MTCH1: variants seen among roughly 807,000 people sequenced by gnomAD.
The protein encoded by MTCH1 is mitochondrial carrier 1.
In MTCH1, 23 loss-of-function variants were observed where a neutral mutation model predicts 49.3. The observed-to-expected ratio is 0.47, with a 90% CI of 0.34 to 0.66. MTCH1 has a LOEUF of 0.66. Ranked by LOEUF, MTCH1 falls within the 30% of genes least tolerant of loss-of-function variation. The pLI is 0.01. For synonymous variants in MTCH1, 229 were observed against 215.2 expected (o/e 1.06, Z -0.56); for missense variants, 397 against 532.1 (o/e 0.75, Z 2.50).
In MTCH1 at chr6:36,981,627, C is replaced by G; in HGVS notation, c.367G>C (p.Gly123Arg). Residue 123 changes from glycine (G) to arginine (R), a missense_variant, in exon 2 of 12, where the codon GGG (glycine) becomes CGG (arginine). Gly to Arg is a moderately radical substitution (Grantham distance 125). Around this residue, in one of 2 missense-constraint regions of MTCH1, gnomAD observed 252 missense variants for 388.3 expected, o/e 0.65. Coordinates refer to ENST00000373627, the MANE Select transcript of MTCH1 (RefSeq NM_001271641.2). ...MPPTLGTNVL[G>R]RKVLYLPSFF... ...CTCGGCAGATAGAGGACCTTCCTCC[C>G]CAGCACATTGGTCCCAAGGGTGGGG... 1.9e-6 allele frequency: 3 copies of G among 1,613,994 alleles called. No homozygotes were observed. Among genetic ancestry groups the G allele is most frequent in the Non-Finnish European group, 2.5e-6 (3 of 1,179,958 alleles).
intron 2 of MTCH1, 117 bp downstream of exon 2, chr6:36,981,471 C>A (rs1764084462): frequency 3.4e-6 from 3 of 892,448 alleles, no homozygotes; most frequent in Admixed American, 5.2e-5. Flanking sequence ...CTCCTCCATG[C>A]CAGCTCGACT....
chr6:36,975,806 G>C (rs936920354), intron 6 of MTCH1, 89 bp from the exon 7 acceptor site: 1 of 1,212,954 alleles, frequency 8.2e-7, no homozygotes, highest in Admixed American at 1.8e-5. Context: ...CACCAGTTCT[G>C]CTCAAATCCA....
rs760149273 is a variant in MTCH1 at position 36,968,371 on chromosome 6, A to T, written c.*532T>A. ...CCATTCAGAGGCAGGTGCTGCCCTC[A>T]TATCAGAAAAGTAGTGTTGAGAAAA... On this transcript the variant is annotated 3_prime_UTR_variant, in exon 12 of 12. Coordinates refer to ENST00000373627, the MANE Select transcript of MTCH1 (RefSeq NM_001271641.2). 1 of 260,810 alleles carries T rather than the reference A, an allele frequency of 3.8e-6. No individual in the cohort carries two copies. Among genetic ancestry groups the T allele is most frequent in the Non-Finnish European group, 7.6e-6 (1 of 131,068 alleles). The allele number at this position is 260,810 out of a possible 1,614,324, so 16.2% of individuals were successfully genotyped here.
Position 36,972,348 on chromosome 6 carries a change from T to C in MTCH1, c.906+304A>G, listed in dbSNP as rs1303389957. On this transcript the variant is annotated intron_variant, in intron 8 of 11. Transcript: ENST00000373627. This position sits in a 1 kb window ranked among gnomAD's most constrained non-coding sequence, Gnocchi z 4.1. ...AAGAGGTGATCACTATTAGCTGGTC[T>C]ATCTTCTGACTTCCTGAGCCCTAGT... Among the ~76,000 whole-genome samples the C allele has an allele frequency of 6.6e-6, 1 of 152,224 alleles. No individual in the cohort carries two copies. Among genetic ancestry groups the C allele is most frequent in the Non-Finnish European group, 1.5e-5 (1 of 68,048 alleles).
At chr6:36,985,702 T>G (rs910929850) in intron 1 of MTCH1, 151 bp downstream of exon 1, 1 of 352,992 alleles carries the variant, frequency 2.8e-6, no homozygotes, top group Non-Finnish European at 5.6e-6. Flanking sequence ...ACGGCTTCCC[T>G]CCCATCCCAC....
chr6:36,979,301 C>G (rs1020196420), intron 2 of MTCH1, among the ~76,000 whole-genome samples: 4 of 152,166 alleles, frequency 2.6e-5, no homozygotes, highest in African/African-American at 9.7e-5. Context: ...GAAGCTAGAC[C>G]CTACCTGTGT....
At chr6:36,981,717 G>A (rs1764101116) in intron 1 of MTCH1, 45 bp from the exon 2 acceptor site, 3 of 1,547,518 alleles carry the variant, frequency 1.9e-6, no homozygotes, top group Non-Finnish European at 2.6e-6. Flanking sequence ...GTCTCGTGGT[G>A]ATTCAGCCTC....
At position 36,969,763 on chromosome 6, in the gene MTCH1, TCTTATC is replaced by T. The variant is rs1763605586; in HGVS notation, c.1098+270_1098+275del. 2.2e-6 allele frequency: 3 copies of T among 1,334,428 alleles called. No homozygotes were observed. The East Asian group carries it at 1.1e-4, about 47-fold the overall frequency. 82.7% of individuals were successfully genotyped at this position (1,334,428 alleles called of 1,614,324 possible). ...CCACCTGCCACCTGGGCCAGAGTTC[TCTTATC>T]CTTATCCTAAGAGTCTTTAAGACTC... On this transcript the variant is annotated intron_variant, in intron 11 of 11. Coordinates refer to ENST00000373627, the MANE Select transcript of MTCH1 (RefSeq NM_001271641.2).
At position 36,968,181 on chromosome 6, in the gene MTCH1, A is replaced by G. The variant is rs1583243978; in HGVS notation, c.*722T>C. On this transcript the variant is annotated 3_prime_UTR_variant, in exon 12 of 12. Transcript: ENST00000373627. The stretch of plus-strand genomic sequence containing the variant: ...CATTTATTTGCGGGAGATGAGGTCA[A>G]ATCTTACCATGAACTTTAAAACTGG... 1 of 153,470 alleles carries G rather than the reference A, an allele frequency of 6.5e-6. No individual in the cohort carries two copies. The highest frequency in any genetic ancestry group is 6.5e-5 in the Admixed American group (1 of 15,472). The allele number at this position is 153,470 out of a possible 1,614,324, so 9.5% of individuals were successfully genotyped here.
chr6:36,981,523 C>T, intron 2 of MTCH1, 65 bp downstream of exon 2: 13 of 1,505,956 alleles, frequency 8.6e-6, no homozygotes, highest in Non-Finnish European at 1.2e-5. Context: ...GCCAGCTGGT[C>T]CTGCTCCCCA....
chr6:36,976,110 C>T (rs1265024723), intron 6 of MTCH1, among the ~76,000 whole-genome samples: 2 of 152,118 alleles, frequency 1.3e-5, no homozygotes, highest in East Asian at 1.9e-4. Flanking sequence ...CCCACAGGCC[C>T]GCCCAAGAGT....
chr6:36,978,637 G>C, intron 2 of MTCH1, 26 bp from the exon 3 acceptor site: 1 of 1,607,776 alleles, frequency 6.2e-7, no homozygotes, highest in South Asian at 1.1e-5. Context: ...GGTGGCAGAG[G>C]AGTCACACCC....
At chr6:36,986,367 G>T, upstream of MTCH1, 1 of 449,106 alleles carries the variant, frequency 2.2e-6, no homozygotes, top group Non-Finnish European at 3.6e-6. Flanking sequence ...CGGGCCGGGG[G>T]TCAATGGTGG....
intron 11 of MTCH1, 145 bp downstream of exon 11, chr6:36,969,894 C>A (rs1420385786): frequency 2.6e-6 from 4 of 1,547,212 alleles, no homozygotes; most frequent in Non-Finnish European, 2.6e-6. Context: ...AACTTAAATG[C>A]CTTATAGATA....
intron 1 of MTCH1, 28 bp downstream of exon 1, chr6:36,985,825 T>C: frequency 1.4e-6 from 2 of 1,470,644 alleles, no homozygotes; most frequent in Non-Finnish European, 1.8e-6. Context: ...CAGCCTCCCA[T>C]CTCCCTACGG....
At chr6:36,971,028 C>T (rs1763667562) in intron 8 of MTCH1, 1 of 390,450 alleles carries the variant, frequency 2.6e-6, no homozygotes, top group Non-Finnish European at 4.9e-6. Flanking sequence ...GACAGACATG[C>T]ACCCTGAAAC....
At chr6:36,970,227 T>C in intron 10 of MTCH1, 113 bp from the exon 11 acceptor site, 2 of 1,433,668 alleles carry the variant, frequency 1.4e-6, no homozygotes, top group African/African-American at 2.8e-5. Flanking sequence ...CCCTGACCCC[T>C]GACACCACAG....
Position 36,982,726 on chromosome 6 carries a change from A to G in MTCH1, c.322-1054T>C, listed in dbSNP as rs1322940942. 1.3e-5 allele frequency among the ~76,000 whole-genome samples: 2 copies of G among 152,228 alleles called. No homozygotes were observed. Among genetic ancestry groups the G allele is most frequent in the Non-Finnish European group, 2.9e-5 (2 of 68,036 alleles). The stretch of plus-strand genomic sequence containing the variant: ...TAAACCCGCGGGTGGGTGAAGGACC[A>G]TCCATATCCATGTGAGGAGCAGGAA... On this transcript the variant is annotated intron_variant, in intron 1 of 11. Coordinates refer to ENST00000373627, the MANE Select transcript of MTCH1 (RefSeq NM_001271641.2). The surrounding 1 kb of genome is among the most constrained non-coding windows in gnomAD (Gnocchi z 4.1).
Position 36,985,836 on chromosome 6 carries a change from C to T in MTCH1, c.321+17G>A, listed in dbSNP as rs376367920. ...ACATCAGCCTCCCATCTCCCTACGG[C>T]GCCTCTGGTCCCCCACCTGGATGAG... On this transcript the variant is annotated intron_variant, in intron 1 of 11. Coordinates refer to ENST00000373627, the MANE Select transcript of MTCH1 (RefSeq NM_001271641.2). The T allele has an allele frequency of 4.5e-6, 7 of 1,551,196 alleles. No individual in the cohort carries two copies. The African/African-American group carries it at 8.2e-5, about 18-fold the overall frequency.
Sources: allele counts gnomAD v4.1 joint callset (sites outside exome capture counted in the v4.1 genomes callset), GRCh38; gene constraint gnomAD v4.1.1; regional missense constraint gnomAD v4.1.1; non-coding constraint Gnocchi (gnomAD v3.1); transcripts MANE v1.5; gene names NCBI Gene and HGNC (gene_info 2026-07-23, HGNC 2026-07-21).